The following XKR9 variants were observed in gnomAD, a reference collection of about 807,000 sequenced individuals.
XKR9 encodes XK related 9.
In XKR9, 32 loss-of-function variants were observed where a neutral mutation model predicts 32.0. The observed-to-expected ratio is 1.00, with a 90% CI of 0.76 to 1.34. The LOEUF (loss-of-function observed/expected upper bound fraction) is 1.34, where lower values mean the gene tolerates loss of function less well. Among genes scored for constraint, XKR9 ranks in the 40% most tolerant of loss-of-function variants. XKR9 has a pLI of 0.00. For missense variants in XKR9, 546 were observed against 429.7 expected (o/e 1.27, Z -2.39); for synonymous variants, 168 against 143.4 (o/e 1.17, Z -1.22).
chr8:70,725,563 C>G (rs1253581994), intron 4 of XKR9, among the ~76,000 whole-genome samples: 1 of 152,014 alleles, frequency 6.6e-6, no homozygotes, highest in Non-Finnish European at 1.5e-5. Context: ...TTCTTATATA[C>G]TCTGTAGAAC....
chr8:70,865,354 A>G, the XKR9 span, among the ~76,000 whole-genome samples: 82,619 of 151,528 alleles, frequency 0.55, 23,489 homozygotes, highest in Middle Eastern at 0.62. Flanking sequence ...CACTAAAGAC[A>G]TCCACATCCT....
the XKR9 span, among the ~76,000 whole-genome samples, chr8:70,868,334 C>T: frequency 6.6e-6 from 1 of 152,050 alleles, no homozygotes; most frequent in East Asian, 1.9e-4. Context: ...ATGAGGGCCC[C>T]ACTCCTGCAA....
chr8:70,792,744 G>T (rs938618225), downstream of XKR9, among the ~76,000 whole-genome samples: 1 of 152,030 alleles, frequency 6.6e-6, no homozygotes, highest in African/African-American at 2.4e-5. Context: ...ACCAAAAGTT[G>T]CAAAGAAGAA....
chr8:70,733,132 G>A (rs1053088945), intron 4 of XKR9, among the ~76,000 whole-genome samples: 2 of 152,164 alleles, frequency 1.3e-5, no homozygotes, highest in African/African-American at 4.8e-5. Context: ...AATAAAGAGA[G>A]TGGTAATTAA....
chr8:70,768,882 A>G (rs1807414715), intron 2 of XKR9, among the ~76,000 whole-genome samples: 1 of 151,770 alleles, frequency 6.6e-6, no homozygotes, highest in Non-Finnish European at 1.5e-5. Context: ...GACTCTATCC[A>G]TTTTGCCAGT....
chr8:70,830,480 G>A, the XKR9 span, among the ~76,000 whole-genome samples: 3 of 151,940 alleles, frequency 2.0e-5, no homozygotes, highest in South Asian at 2.1e-4. Flanking sequence ...CCAGCTACTC[G>A]GGAGGCTGAG....
chr8:70,962,317 T>C, the XKR9 span, among the ~76,000 whole-genome samples: 1 of 152,214 alleles, frequency 6.6e-6, no homozygotes, highest in Non-Finnish European at 1.5e-5. Context: ...AAATTGATCC[T>C]GTCACCCAGT....
At chr8:71,039,171 T>C in the XKR9 span, among the ~76,000 whole-genome samples, 30 of 152,270 alleles carry the variant, frequency 2.0e-4, no homozygotes, top group African/African-American at 7.0e-4. Flanking sequence ...GGCTAAGGTA[T>C]TCTACAAAGG....
chr8:70,900,871 A>G, the XKR9 span, among the ~76,000 whole-genome samples: 1 of 151,688 alleles, frequency 6.6e-6, no homozygotes, highest in Admixed American at 6.6e-5. Flanking sequence ...AAGTGTTCTC[A>G]TTGTTCAATT....
the XKR9 span, among the ~76,000 whole-genome samples, chr8:70,902,789 T>G: frequency 6.6e-6 from 1 of 152,226 alleles, no homozygotes; most frequent in Non-Finnish European, 1.5e-5. Flanking sequence ...CTTATTATTT[T>G]GAGATAACGT....
At chr8:70,882,748 T>A in the XKR9 span, among the ~76,000 whole-genome samples, 4 of 152,046 alleles carry the variant, frequency 2.6e-5, no homozygotes, top group African/African-American at 9.7e-5. Context: ...TTACAATTGA[T>A]GAGGCCATAT....
At chr8:70,809,943 C>A in the XKR9 span, among the ~76,000 whole-genome samples, 1 of 152,168 alleles carries the variant, frequency 6.6e-6, no homozygotes, top group African/African-American at 2.4e-5. Context: ...CAGAGAACAC[C>A]ACAAAGATAC....
the XKR9 span, among the ~76,000 whole-genome samples, chr8:71,009,911 G>A: frequency 3.9e-5 from 6 of 152,274 alleles, no homozygotes; most frequent in South Asian, 1.2e-3. Context: ...TGTAGATTTT[G>A]CACTGTGTTG....
the XKR9 span, among the ~76,000 whole-genome samples, chr8:70,915,074 G>T: frequency 6.6e-6 from 1 of 151,986 alleles, no homozygotes; most frequent in Admixed American, 6.6e-5. Context: ...GGTTGAAGTG[G>T]GTTCTTCTTG....
chr8:71,028,646 GA>G, the XKR9 span, among the ~76,000 whole-genome samples: 2 of 152,100 alleles, frequency 1.3e-5, no homozygotes, highest in African/African-American at 4.8e-5. Flanking sequence ...TAAAAAATGT[GA>G]GGTAATAGAT....
intron 3 of XKR9, among the ~76,000 whole-genome samples, chr8:70,699,673 T>C (rs1255145118): frequency 6.6e-6 from 1 of 152,202 alleles, no homozygotes; most frequent in Non-Finnish European, 1.5e-5. Context: ...GGAGTTGCTC[T>C]TCTCGAGGAG....
chr8:71,021,966 G>A, the XKR9 span, among the ~76,000 whole-genome samples: 1 of 152,150 alleles, frequency 6.6e-6, no homozygotes, highest in African/African-American at 2.4e-5. Context: ...TATAGTTTGA[G>A]GTCTTACATT....
the XKR9 span, among the ~76,000 whole-genome samples, chr8:70,827,764 A>G: frequency 1.3e-5 from 2 of 152,138 alleles, no homozygotes; most frequent in Non-Finnish European, 1.5e-5. Flanking sequence ...TTTATTGGGG[A>G]AAAAAAGTGG....
chr8:70,674,133 C>G (rs532554447), intron 1 of XKR9, among the ~76,000 whole-genome samples: 1 of 152,128 alleles, frequency 6.6e-6, no homozygotes, highest in East Asian at 1.9e-4. Flanking sequence ...TGTGCCACTG[C>G]ACTCCAGCCT....
Sources: gnomAD v4.1 joint callset for allele counts (sites outside exome capture counted in the v4.1 genomes callset) on GRCh38, gnomAD v4.1.1 for gene constraint, MANE v1.5 for transcripts, NCBI Gene and HGNC (gene_info 2026-07-23, HGNC 2026-07-21) for gene names.